SPART: variants seen among roughly 807,000 people sequenced by gnomAD.
SPART encodes spartin, also known as spastic paraplegia 20 (Troyer syndrome).
A neutral mutation model predicts 58.7 loss-of-function variants in SPART; 35 were observed. That is an observed-to-expected ratio of 0.60 (90% CI 0.46 to 0.79). The LOEUF (loss-of-function observed/expected upper bound fraction) is 0.79, where lower values mean the gene tolerates loss of function less well. Ranked by LOEUF, SPART falls within the 30% of genes least tolerant of loss-of-function variation. The probability of loss-of-function intolerance (pLI) is 0.00; values close to 1 mark genes in which losing one functional copy is unlikely to be tolerated. For synonymous variants in SPART, 284 were observed against 280.7 expected, an observed-to-expected ratio of 1.01 and a Z score of -0.12; for missense variants, 730 against 786.1, an observed-to-expected ratio of 0.93 and a Z score of 0.85.
At position 36,322,189 on chromosome 13, in the gene SPART, T is replaced by C. The variant is rs9602775; in HGVS notation, c.1288+4386A>G. Reference sequence around the variant, plus strand: ...GGTGGTCTCTTCACACGGACGTGCATGAAACTCAGCACTTTGGAAGGCCAA... The same window carrying C: ...GGTGGTCTCTTCACACGGACGTGCACGAAACTCAGCACTTTGGAAGGCCAA... On this transcript the variant is annotated intron_variant, in intron 5 of 8. Coordinates refer to ENST00000438666, the MANE Select transcript of SPART (RefSeq NM_015087.5). Among the ~76,000 whole-genome samples, 323 of 152,238 alleles carry C rather than the reference T, an allele frequency of 2.1e-3. 1 individual carries two copies. The highest frequency in any genetic ancestry group is 7.4e-3 in the African/African-American group (309 of 41,546).
chr13:36,353,775 G>A (rs1039059478), intron 1 of SPART, among the ~76,000 whole-genome samples: 6 of 152,250 alleles, frequency 3.9e-5, no homozygotes, highest in South Asian at 4.1e-4. Context: ...TTGTGGTTTC[G>A]ACAACATTCA....
intron 8 of SPART, among the ~76,000 whole-genome samples, chr13:36,311,037 T>C (rs1881032486): frequency 6.6e-6 from 1 of 152,282 alleles, no homozygotes; most frequent in Non-Finnish European, 1.5e-5. Flanking sequence ...CAAACCTTGC[T>C]CTCCTCCTAG....
At chr13:36,320,229 G>A (rs545913223) in intron 5 of SPART, among the ~76,000 whole-genome samples, 35 of 151,994 alleles carry the variant, frequency 2.3e-4, no homozygotes, top group African/African-American at 2.7e-4. Flanking sequence ...GCTTCCCGGC[G>A]CCTTCAGCTG....
intron 1 of SPART, among the ~76,000 whole-genome samples, chr13:36,359,885 G>T (rs1029326596): frequency 7.7e-6 from 1 of 130,208 alleles, no homozygotes; most frequent in African/African-American, 3.0e-5. Flanking sequence ...TTAGGATAGT[G>T]CCTAGAACAC....
chr13:36,365,004 C>T (rs1230456250), intron 1 of SPART, among the ~76,000 whole-genome samples: 4 of 152,146 alleles, frequency 2.6e-5, no homozygotes, highest in Non-Finnish European at 5.9e-5. Flanking sequence ...AAGAACTAAA[C>T]TGTTTTGCAT....
At chr13:36,321,124 G>C (rs1882335707) in intron 5 of SPART, among the ~76,000 whole-genome samples, 1 of 152,176 alleles carries the variant, frequency 6.6e-6, no homozygotes, top group Non-Finnish European at 1.5e-5. Context: ...TTAGGCCCCA[G>C]TCTCATTCGA....
intron 8 of SPART, among the ~76,000 whole-genome samples, chr13:36,311,062 A>T (rs1326635510): frequency 6.6e-6 from 1 of 152,194 alleles, no homozygotes; most frequent in African/African-American, 2.4e-5. Flanking sequence ...GGTCTCCTAG[A>T]GAGTAGCTAT....
intron 5 of SPART, among the ~76,000 whole-genome samples, chr13:36,322,682 T>G (rs1428411359): frequency 6.6e-6 from 1 of 152,198 alleles, no homozygotes; most frequent in Admixed American, 6.5e-5. Context: ...GAAAATTGGC[T>G]AGCACATGGC....
intron 1 of SPART, among the ~76,000 whole-genome samples, chr13:36,338,531 T>C (rs540573780): frequency 2.6e-5 from 4 of 152,168 alleles, no homozygotes; most frequent in Admixed American, 6.5e-5. Context: ...TGAAAGCCTA[T>C]TTACAAATTA....
chr13:36,331,781 GATCT>G (rs1397773756), intron 2 of SPART, among the ~76,000 whole-genome samples, 185 bp from the exon 3 acceptor site: 2 of 152,142 alleles, frequency 1.3e-5, no homozygotes, highest in South Asian at 2.1e-4. Flanking sequence ...TTGCTAGTCT[GATCT>G]TTCTGCAATA....
chr13:36,335,665 C>G lies in SPART; in HGVS notation c.166G>C (p.Gly56Arg). Residue 56 changes from glycine to arginine, a missense_variant, in exon 2 of 9, where the codon GGG becomes CGG. Transcript: ENST00000438666. ...YKQGIGHLLR[G>R]ISISSKESEH... ...GACTCTTTTGATGAAATGCTGATCCCTCTGAGCAGGTGTCCTATTCCTTGC... is the reference window on the plus strand; with the variant it reads ...GACTCTTTTGATGAAATGCTGATCCGTCTGAGCAGGTGTCCTATTCCTTGC... 1 of 1,614,168 alleles carries G rather than the reference C, an allele frequency of 6.2e-7. No homozygotes were observed. The highest frequency in any genetic ancestry group is 8.5e-7 in the Non-Finnish European group (1 of 1,180,014).
intron 1 of SPART, among the ~76,000 whole-genome samples, chr13:36,341,012 T>C (rs548291652): frequency 1.3e-5 from 2 of 152,302 alleles, no homozygotes; most frequent in African/African-American, 4.8e-5. Flanking sequence ...TTTATGTGCA[T>C]GCGACAAAGG....
intron 1 of SPART, among the ~76,000 whole-genome samples, chr13:36,344,337 T>A (rs1334879693): frequency 6.6e-6 from 1 of 152,160 alleles, no homozygotes; most frequent in Non-Finnish European, 1.5e-5. Context: ...CCTAATAATG[T>A]GTCAATGGAG....
chr13:36,358,146 T>C (rs1885692791), intron 1 of SPART, among the ~76,000 whole-genome samples: 1 of 152,234 alleles, frequency 6.6e-6, no homozygotes, highest in South Asian at 2.1e-4. Context: ...CCTGCTATTT[T>C]ATGAGATTTG....
chr13:36,363,203 G>T (rs1490750031), intron 1 of SPART, among the ~76,000 whole-genome samples: 2 of 152,148 alleles, frequency 1.3e-5, no homozygotes, highest in Non-Finnish European at 2.9e-5. Context: ...GATGAGTAAT[G>T]ATTCTTTTTT....
intron 8 of SPART, among the ~76,000 whole-genome samples, chr13:36,311,885 C>G (rs781563532): frequency 6.6e-6 from 1 of 151,448 alleles, no homozygotes; most frequent in Non-Finnish European, 1.5e-5. Context: ...GTCAGGAGTT[C>G]GAGACCAGCC....
intron 5 of SPART, among the ~76,000 whole-genome samples, chr13:36,322,245 G>A (rs1342475451): frequency 2.6e-5 from 4 of 152,110 alleles, no homozygotes; most frequent in South Asian, 2.1e-4. Flanking sequence ...TCAGAAGCTC[G>A]AGACCAGCCT....
chr13:36,351,828 T>C (rs1309457873), intron 1 of SPART, among the ~76,000 whole-genome samples: 1 of 152,220 alleles, frequency 6.6e-6, no homozygotes, highest in Non-Finnish European at 1.5e-5. Context: ...GCTGAAAATA[T>C]AGTATTTTTT....
At position 36,360,198 on chromosome 13, in the gene SPART, G is replaced by T. The variant is rs935259211; in HGVS notation, c.-3+9891C>A. Among the ~76,000 whole-genome samples, 4 of 147,340 alleles carry T rather than the reference G, an allele frequency of 2.7e-5. No homozygotes were observed. The Admixed American group carries it at 2.8e-4, about 10-fold the overall frequency. ...TAGTCCCAGCTACATGGGAGGCTGA[G>T]GCAGGAGAATCGCTTGAACCTGGGA... is the stretch of plus-strand genomic sequence containing the variant. On this transcript the variant is annotated intron_variant, in intron 1 of 8. Coordinates refer to the SPART transcript ENST00000355182.
Sources: allele counts gnomAD v4.1 joint callset (sites outside exome capture counted in the v4.1 genomes callset), GRCh38; gene constraint gnomAD v4.1.1; transcripts MANE v1.5; gene names NCBI Gene and HGNC (gene_info 2026-07-23, HGNC 2026-07-21).